The following TCERG1L variants were observed in gnomAD, a reference collection of about 807,000 sequenced individuals.
The protein encoded by TCERG1L is transcription elongation regulator 1-like protein.
A neutral mutation model predicts 56.3 loss-of-function variants in TCERG1L; 37 were observed. The observed-to-expected ratio is 0.66, with a 90% CI of 0.51 to 0.87. The LOEUF (loss-of-function observed/expected upper bound fraction) is 0.87. Among genes scored for constraint, TCERG1L ranks in the 40% least tolerant of loss-of-function variants. TCERG1L has a pLI of 0.00. For synonymous variants in TCERG1L, 324 were observed against 326.3 expected (o/e 0.99, Z 0.08); for missense variants, 799 against 774.2 (o/e 1.03, Z -0.38).
intron 4 of TCERG1L, among the ~76,000 whole-genome samples, chr10:131,203,314 C>CAAAAAA (rs58016777): frequency 1.3e-4 from 15 of 117,672 alleles, no homozygotes; most frequent in African/African-American, 3.8e-4. Flanking sequence ...GACTCCGTCT[C>CAAAAAA]AAAAAAAAAA....
chr10:131,191,455 G>A (rs1353624707), intron 4 of TCERG1L, among the ~76,000 whole-genome samples: 1 of 143,512 alleles, frequency 7.0e-6, no homozygotes, highest in Non-Finnish European at 1.5e-5. Flanking sequence ...CAAATCTGGA[G>A]GCATCACATT....
intron 3 of TCERG1L, among the ~76,000 whole-genome samples, chr10:131,264,988 A>C (rs1028979862): frequency 3.9e-5 from 6 of 152,156 alleles, no homozygotes; most frequent in Non-Finnish European, 8.8e-5. Context: ...CTCCGACTTC[A>C]GACTCTTGCC....
chr10:131,141,763 GCTATT>G (rs1300968664), intron 7 of TCERG1L, among the ~76,000 whole-genome samples: 1 of 151,968 alleles, frequency 6.6e-6, no homozygotes, highest in Non-Finnish European at 1.5e-5. Flanking sequence ...TCCGAAAAAC[GCTATT>G]CTAGCATCTC....
rs771555603 is a variant in TCERG1L at position 131,146,610 on chromosome 10, A to G, written c.1085T>C (p.Met362Thr). 5 of 1,613,704 alleles carry G rather than the reference A, an allele frequency of 3.1e-6. No homozygotes were observed. The highest frequency in any genetic ancestry group is 2.7e-5 in the African/African-American group (2 of 74,898). Residue 362 changes from methionine (M) to threonine (T), a missense_variant, in exon 7 of 12, where the codon ATG becomes ACG. Coordinates refer to ENST00000368642, the MANE Select transcript of TCERG1L (RefSeq NM_174937.4). ...GGGCTTCTCCCAGACAGACAGGTGC[A>G]TCGTTGGGTTGAAGAAGAAAACTCG... is the stretch of plus-strand genomic sequence containing the variant. ...DDRVFFFNPT[M>T]HLSVWEKPMD...
At chr10:131,270,351 G>A (rs1049216326) in intron 3 of TCERG1L, among the ~76,000 whole-genome samples, 4 of 152,180 alleles carry the variant, frequency 2.6e-5, no homozygotes, top group African/African-American at 7.2e-5. Context: ...CTGCATGGAC[G>A]GATAAATACC....
At chr10:131,170,231 C>T (rs1320616269) in intron 4 of TCERG1L, among the ~76,000 whole-genome samples, 1 of 152,120 alleles carries the variant, frequency 6.6e-6, no homozygotes. Context: ...CGTGGAAGTG[C>T]TTATTCTACG....
intron 4 of TCERG1L, among the ~76,000 whole-genome samples, chr10:131,201,467 C>T (rs1845434132): frequency 6.6e-6 from 1 of 152,204 alleles, no homozygotes; most frequent in Non-Finnish European, 1.5e-5. Flanking sequence ...AAAGGAGGGT[C>T]CCAGTACTTC....
At chr10:131,161,622 C>G (rs1232987029) in intron 6 of TCERG1L, 1 of 151,506 alleles carries the variant, frequency 6.6e-6, no homozygotes, top group African/African-American at 2.4e-5. Flanking sequence ...GAGACACCAA[C>G]CATGTGACTT....
At chr10:131,288,415 G>T (rs1453617658) in intron 3 of TCERG1L, among the ~76,000 whole-genome samples, 1 of 152,046 alleles carries the variant, frequency 6.6e-6, no homozygotes, top group Non-Finnish European at 1.5e-5. Flanking sequence ...ATCTCATTAT[G>T]GTCACGTGGA....
At chr10:131,220,081 G>C (rs1020272097) in intron 4 of TCERG1L, among the ~76,000 whole-genome samples, 2 of 152,174 alleles carry the variant, frequency 1.3e-5, no homozygotes, top group African/African-American at 4.8e-5. Context: ...CTGGACCCGG[G>C]CTGAGCTCCA....
intron 4 of TCERG1L, among the ~76,000 whole-genome samples, chr10:131,227,806 T>C (rs960630698): frequency 6.6e-6 from 1 of 151,944 alleles, no homozygotes; most frequent in African/African-American, 2.4e-5. Context: ...AATAGTGTTC[T>C]TTCTCATTTT....
At chr10:131,299,268 A>G (rs1208006054) in intron 3 of TCERG1L, among the ~76,000 whole-genome samples, 2 of 152,126 alleles carry the variant, frequency 1.3e-5, no homozygotes, top group African/African-American at 4.8e-5. Flanking sequence ...GAAAACCTGC[A>G]AACTTCTGTC....
intron 8 of TCERG1L, among the ~76,000 whole-genome samples, chr10:131,128,807 T>C (rs1845589525): frequency 6.6e-6 from 1 of 152,094 alleles, no homozygotes. Flanking sequence ...TCTGCTTGCA[T>C]CACGAAAAGA....
At chr10:131,209,609 T>C (rs1224735813) in intron 4 of TCERG1L, among the ~76,000 whole-genome samples, 1 of 152,240 alleles carries the variant, frequency 6.6e-6, no homozygotes, top group Non-Finnish European at 1.5e-5. Flanking sequence ...TTGCCATTTG[T>C]GAGGCCTGCT....
intron 4 of TCERG1L, among the ~76,000 whole-genome samples, chr10:131,245,691 G>A (rs1222120882): frequency 2.6e-5 from 4 of 152,214 alleles, no homozygotes; most frequent in Non-Finnish European, 2.9e-5. Flanking sequence ...TTCCCGAGGG[G>A]CTCCTGCCAC....
intron 8 of TCERG1L, among the ~76,000 whole-genome samples, chr10:131,131,034 G>A (rs1283404988): frequency 3.3e-5 from 5 of 152,138 alleles, no homozygotes; most frequent in East Asian, 3.9e-4. Context: ...GAGCACCCAC[G>A]CAAGCTACAC....
intron 6 of TCERG1L, among the ~76,000 whole-genome samples, chr10:131,150,597 GGAA>G (rs1479212907): frequency 1.3e-5 from 2 of 152,210 alleles, no homozygotes; most frequent in South Asian, 2.1e-4. Context: ...GAGGACTGGG[GGAA>G]GAAGAAGCTG....
At chr10:131,233,194 A>G (rs532558053) in intron 4 of TCERG1L, among the ~76,000 whole-genome samples, 1 of 152,226 alleles carries the variant, frequency 6.6e-6, no homozygotes, top group Non-Finnish European at 1.5e-5. Context: ...AGTACAGATC[A>G]TACATCGCGA....
intron 4 of TCERG1L, among the ~76,000 whole-genome samples, chr10:131,256,776 G>A (rs1020234736): frequency 6.6e-6 from 1 of 151,566 alleles, no homozygotes; most frequent in Non-Finnish European, 1.5e-5. Context: ...CGTAGCTACA[G>A]GGGAGACTGA....
Sources: allele counts gnomAD v4.1 joint callset (sites outside exome capture counted in the v4.1 genomes callset), GRCh38; gene constraint gnomAD v4.1.1; transcripts MANE v1.5; gene names NCBI Gene and HGNC (gene_info 2026-07-23, HGNC 2026-07-21).